RGS6: variants seen among roughly 807,000 people sequenced by gnomAD.
The protein encoded by RGS6 is regulator of G protein signaling 6, also known as regulator of G-protein signaling 6.
Under a neutral mutation model 78.5 loss-of-function variants are expected in RGS6, and 30 were observed. The ratio of observed to expected loss-of-function variants is 0.38; its 90% CI spans 0.29 to 0.52. The LOEUF (loss-of-function observed/expected upper bound fraction) is 0.52, where lower values mean the gene tolerates loss of function less well. Among genes scored for constraint, RGS6 ranks in the 20% least tolerant of loss-of-function variants. The pLI is 0.85. For missense variants in RGS6, 495 were observed against 609.7 expected, an observed-to-expected ratio of 0.81 and a Z score of 1.98; for synonymous variants, 206 against 206.0, an observed-to-expected ratio of 1.00 and a Z score of 0.00.
At chr14:72,470,919 T>A (rs1313573689) in intron 8 of RGS6, among the ~76,000 whole-genome samples, 2 of 148,492 alleles carry the variant, frequency 1.3e-5, no homozygotes, top group African/African-American at 4.9e-5. Flanking sequence ...GGCGTGACAC[T>A]GGATATGTGG....
intron 2 of RGS6, among the ~76,000 whole-genome samples, chr14:72,002,590 G>T (rs2083684018): frequency 7.8e-6 from 1 of 129,024 alleles, no homozygotes; most frequent in Non-Finnish European, 1.7e-5. Flanking sequence ...TGAGGCAAGA[G>T]TCTTGCCAAC....
chr14:72,057,928 G>A (rs1246604996), intron 2 of RGS6, among the ~76,000 whole-genome samples: 1 of 152,174 alleles, frequency 6.6e-6, no homozygotes, highest in Non-Finnish European at 1.5e-5. Context: ...GGATGTGCTA[G>A]CCTCTGTTTT....
At chr14:72,152,118 G>A in intron 2 of RGS6, among the ~76,000 whole-genome samples, 1 of 152,108 alleles carries the variant, frequency 6.6e-6, no homozygotes. Context: ...ACAGTTAAGT[G>A]GTCTAAAAAT....
intron 13 of RGS6, among the ~76,000 whole-genome samples, chr14:72,505,018 C>T (rs10143765): frequency 0.013 from 1,934 of 148,228 alleles, 37 homozygotes; most frequent in African/African-American, 0.046. Flanking sequence ...CCTTGTGATC[C>T]GCCTGCATTG....
chr14:72,612,158 A>G, the RGS6 span, among the ~76,000 whole-genome samples: 4 of 152,190 alleles, frequency 2.6e-5, no homozygotes, highest in African/African-American at 9.7e-5. Flanking sequence ...GTGGACAACC[A>G]TGGCAGATGA....
downstream of RGS6, among the ~76,000 whole-genome samples, chr14:72,569,112 GTGT>G (rs2097717292): frequency 1.3e-5 from 1 of 79,242 alleles, no homozygotes; most frequent in Non-Finnish European, 2.1e-5. Context: ...ATTCTCTGGG[GTGT>G]GTGTGTGTGT....
chr14:72,173,865 G>A (rs2097063558), intron 2 of RGS6, among the ~76,000 whole-genome samples: 1 of 152,106 alleles, frequency 6.6e-6, no homozygotes, highest in Admixed American at 6.5e-5. Context: ...TTGATCCTCA[G>A]CTGCCAGGAT....
chr14:72,472,184 AAG>A (rs1555421869), intron 8 of RGS6, among the ~76,000 whole-genome samples: 2 of 143,522 alleles, frequency 1.4e-5, no homozygotes, highest in African/African-American at 2.9e-5. Flanking sequence ...AAAAAAAAAA[AAG>A]AAAGAAAAAG....
chr14:72,321,396 A>T (rs4899431), intron 2 of RGS6, among the ~76,000 whole-genome samples: 8,348 of 152,052 alleles, frequency 0.055, 353 homozygotes, highest in East Asian at 0.26. Flanking sequence ...AAACTCCCAT[A>T]TTAAAAAAAA....
the RGS6 span, among the ~76,000 whole-genome samples, chr14:71,915,973 G>C: frequency 6.6e-6 from 1 of 152,180 alleles, no homozygotes; most frequent in Non-Finnish European, 1.5e-5. Context: ...AAGCCAAGGA[G>C]AGAAGCCTCA....
chr14:72,627,305 T>C, the RGS6 span, among the ~76,000 whole-genome samples: 1 of 152,220 alleles, frequency 6.6e-6, no homozygotes, highest in South Asian at 2.1e-4. Flanking sequence ...AGATCCCCAA[T>C]GTATTTGGTG....
chr14:72,162,698 A>C (rs1004011780), intron 2 of RGS6, among the ~76,000 whole-genome samples: 1 of 152,228 alleles, frequency 6.6e-6, no homozygotes, highest in Admixed American at 6.5e-5. Flanking sequence ...TTGTATATGC[A>C]TATTTATGGC....
intron 2 of RGS6, among the ~76,000 whole-genome samples, chr14:71,999,551 C>G (rs574353592): frequency 6.6e-6 from 1 of 152,108 alleles, no homozygotes; most frequent in African/African-American, 2.4e-5. Flanking sequence ...GCTCAAATCT[C>G]GTGTCAAATC....
chr14:72,602,392 A>G, the RGS6 span, among the ~76,000 whole-genome samples: 1 of 152,234 alleles, frequency 6.6e-6, no homozygotes, highest in Non-Finnish European at 1.5e-5. Context: ...TTTAATCCTC[A>G]CGGCAACCCT....
At chr14:72,096,497 C>A (rs1218608828) in intron 2 of RGS6, among the ~76,000 whole-genome samples, 1 of 152,108 alleles carries the variant, frequency 6.6e-6, no homozygotes, top group Non-Finnish European at 1.5e-5. Flanking sequence ...AAAGACTCTT[C>A]TTTGATTTCA....
chr14:72,011,516 A>T (rs2085710655), intron 2 of RGS6, among the ~76,000 whole-genome samples: 1 of 152,210 alleles, frequency 6.6e-6, no homozygotes, highest in Non-Finnish European at 1.5e-5. Flanking sequence ...AATTCCAGAG[A>T]TCCAACAAAA....
intron 3 of RGS6, among the ~76,000 whole-genome samples, chr14:72,412,324 A>T (rs2093479553): frequency 6.6e-6 from 1 of 152,094 alleles, no homozygotes; most frequent in South Asian, 2.1e-4. Context: ...GAATTTATCC[A>T]TTTCTTCTAG....
the RGS6 span, among the ~76,000 whole-genome samples, chr14:72,611,687 T>A: frequency 6.6e-6 from 1 of 152,132 alleles, no homozygotes; most frequent in African/African-American, 2.4e-5. Context: ...GGTGACTTCA[T>A]CAGTTCACCA....
At chr14:71,959,179 TTTG>T (rs2093015341) in intron 1 of RGS6, among the ~76,000 whole-genome samples, 1 of 152,146 alleles carries the variant, frequency 6.6e-6, no homozygotes, top group Admixed American at 6.5e-5. Flanking sequence ...GGAAGAGTGA[TTTG>T]TTATTTAGAG....
Sources: allele counts gnomAD v4.1 joint callset (sites outside exome capture counted in the v4.1 genomes callset), GRCh38; gene constraint gnomAD v4.1.1; transcripts MANE v1.5; gene names NCBI Gene and HGNC (gene_info 2026-07-23, HGNC 2026-07-21).